The following OLFM4 variants were observed in gnomAD, a reference collection of about 807,000 sequenced individuals.
The protein encoded by OLFM4 is olfactomedin 4.
OLFM4 carries 22 observed loss-of-function variants against 25.5 expected under a neutral mutation model. That is an observed-to-expected ratio of 0.86 (90% confidence interval 0.62 to 1.23). OLFM4 has a LOEUF of 1.23. Among genes scored for constraint, OLFM4 ranks in the 50% most tolerant of loss-of-function variants. The pLI, the probability that OLFM4 is intolerant of heterozygous loss-of-function variation, is 0.00. For synonymous variants in OLFM4, 255 were observed against 237.7 expected (o/e 1.07, Z -0.67); for missense variants, 594 against 619.4 (o/e 0.96, Z 0.44).
At position 53,029,028 on chromosome 13, in the gene OLFM4, T is replaced by A. The variant is rs750727679; in HGVS notation, c.192T>A (p.Gly64=). 1 of 1,613,772 alleles carries A rather than the reference T, an allele frequency of 6.2e-7. No individual in the cohort carries two copies. Among genetic ancestry groups the A allele is most frequent in the East Asian group, 2.2e-5 (1 of 44,880 alleles). Residue 64 remains glycine (G), a synonymous_variant, in exon 1 of 5, where the codon GGT becomes GGA. Coordinates refer to ENST00000219022, the MANE Select transcript of OLFM4 (RefSeq NM_006418.5). ...SSSSRSLGSG[G]SVSQLFSNFT... ...CCAGCCGCAGCTTAGGCAGCGGAGG[T>A]TCTGTGTCCCAGGTGAGGAGGCCCC...
Position 53,050,773 on chromosome 13 carries a change from C to A in OLFM4, c.*2C>A. On this transcript the variant is annotated 3_prime_UTR_variant, in exon 5 of 5. Transcript: ENST00000219022. The stretch of plus-strand genomic sequence containing the variant: ...TCTGTCTTGCAGAAGCCCCAGTAAG[C>A]TGTTTAGGAGTTAGGGTGAAAGAGA... 4 of 1,582,466 alleles carry A rather than the reference C, an allele frequency of 2.5e-6. No homozygotes were observed. The highest frequency in any genetic ancestry group is 3.4e-6 in the Non-Finnish European group (4 of 1,168,264).
Position 53,043,171 on chromosome 13 carries a change from C to G in OLFM4, c.637C>G (p.Arg213Gly). ...TLDKNNVLAI[R>G]REIVALKTKL... ...AGACAAAAACAATGTCCTTGCCATT[C>G]GCCGAGAAATCGTGGCTCTGAAGAC... The change falls in exon 4 of 5, where the codon CGC becomes GGC. Residue 213 changes from arginine (R) to glycine (G), a missense_variant. Physicochemically the swap from Arg to Gly is moderately radical, Grantham distance 125. Coordinates refer to ENST00000219022, the MANE Select transcript of OLFM4 (RefSeq NM_006418.5). The G allele has an allele frequency of 6.2e-7, 1 of 1,613,400 alleles. No individual in the cohort carries two copies. The highest frequency in any genetic ancestry group is 8.5e-7 in the Non-Finnish European group (1 of 1,179,642).
At chr13:53,042,594 A>G (rs1443413826) in intron 3 of OLFM4, among the ~76,000 whole-genome samples, 3 of 152,142 alleles carry the variant, frequency 2.0e-5, no homozygotes, top group African/African-American at 7.2e-5. Flanking sequence ...TTTCTTGTAT[A>G]TTTCTGTAAA....
chr13:53,029,753 A>G (rs1039964039), intron 1 of OLFM4, among the ~76,000 whole-genome samples: 1 of 152,236 alleles, frequency 6.6e-6, no homozygotes, highest in Non-Finnish European at 1.5e-5. Context: ...CAACAGTAGC[A>G]ACAAACAAAC....
chr13:53,044,293 T>C (rs766865399), intron 4 of OLFM4, among the ~76,000 whole-genome samples: 3 of 152,332 alleles, frequency 2.0e-5, no homozygotes, highest in Middle Eastern at 3.4e-3. Context: ...TCAGCCACAG[T>C]GTTCAGCCCC....
At chr13:53,030,055 C>G (rs900799038) in intron 1 of OLFM4, among the ~76,000 whole-genome samples, 3 of 152,136 alleles carry the variant, frequency 2.0e-5, no homozygotes, top group African/African-American at 7.2e-5. Context: ...CCTCTAGGAT[C>G]TTTCCTCACA....
chr13:53,049,030 CTGAGT>C (rs1333046910), intron 4 of OLFM4, among the ~76,000 whole-genome samples: 2 of 152,180 alleles, frequency 1.3e-5, no homozygotes, highest in Non-Finnish European at 2.9e-5. Flanking sequence ...ATCGCCCAGA[CTGAGT>C]TATTTACCCA....
intron 4 of OLFM4, among the ~76,000 whole-genome samples, chr13:53,043,479 G>A (rs1464165407): frequency 1.3e-5 from 2 of 151,144 alleles, no homozygotes; most frequent in Non-Finnish European, 2.9e-5. Context: ...AAGAGGAAGA[G>A]CACAAACAAT....
intron 1 of OLFM4, among the ~76,000 whole-genome samples, chr13:53,029,995 A>G (rs967397066): frequency 6.6e-5 from 10 of 152,132 alleles, no homozygotes; most frequent in African/African-American, 1.9e-4. Context: ...TTGCTAAGGT[A>G]TAACTTGGGG....
chr13:53,046,709 T>C (rs528528897), intron 4 of OLFM4, among the ~76,000 whole-genome samples: 1 of 152,332 alleles, frequency 6.6e-6, no homozygotes, highest in South Asian at 2.1e-4. Context: ...TGTAACATGA[T>C]GTGATTATAT....
chr13:53,049,728 A>T (rs544349291), intron 4 of OLFM4, among the ~76,000 whole-genome samples: 1 of 152,252 alleles, frequency 6.6e-6, no homozygotes, highest in East Asian at 1.9e-4. Flanking sequence ...TATTTTCCAG[A>T]TTGAAAGCCC....
intron 1 of OLFM4, among the ~76,000 whole-genome samples, chr13:53,031,944 A>T (rs1954631412): frequency 6.6e-6 from 1 of 152,184 alleles, no homozygotes; most frequent in Non-Finnish European, 1.5e-5. Flanking sequence ...CCGCAGAGAG[A>T]GACTCATCAC....
At chr13:53,046,940 T>C (rs1423687379) in intron 4 of OLFM4, among the ~76,000 whole-genome samples, 2 of 152,204 alleles carry the variant, frequency 1.3e-5, no homozygotes, top group Non-Finnish European at 2.9e-5. Flanking sequence ...ATAGCTGCTC[T>C]AACAGAGAGG....
intron 4 of OLFM4, among the ~76,000 whole-genome samples, chr13:53,047,316 AC>A (rs1455543043): frequency 6.6e-6 from 1 of 151,938 alleles, no homozygotes; most frequent in African/African-American, 2.4e-5. Flanking sequence ...GGGGATGGGG[AC>A]TCTGAGGAAC....
intron 1 of OLFM4, among the ~76,000 whole-genome samples, chr13:53,032,188 A>C (rs963533288): frequency 6.6e-6 from 1 of 152,166 alleles, no homozygotes; most frequent in African/African-American, 2.4e-5. Flanking sequence ...TCAGGACTAA[A>C]AGTTGTTAGC....
At chr13:53,049,406 C>T (rs1436489481) in intron 4 of OLFM4, among the ~76,000 whole-genome samples, 3 of 152,032 alleles carry the variant, frequency 2.0e-5, no homozygotes, top group Admixed American at 6.5e-5. Flanking sequence ...TGGTACCTGG[C>T]GTGGATGTGC....
At chr13:53,034,641 A>T in intron 2 of OLFM4, 141 bp downstream of exon 2, 2 of 765,460 alleles carry the variant, frequency 2.6e-6, no homozygotes, top group Non-Finnish European at 4.1e-6. Flanking sequence ...TATTTATTTT[A>T]TAGGACACCA....
Position 53,051,914 on chromosome 13 carries a change from T to C in OLFM4, c.*1143T>C, listed in dbSNP as rs1954751070. 2 of 152,204 alleles carry C rather than the reference T, an allele frequency of 1.3e-5. No homozygotes were observed. Among genetic ancestry groups the C allele is most frequent in the Non-Finnish European group, 2.9e-5 (2 of 68,042 alleles). The allele number at this position is 152,204 out of a possible 1,614,324, so 9.4% of individuals were successfully genotyped here. On this transcript the variant is annotated 3_prime_UTR_variant, in exon 5 of 5. Transcript: ENST00000219022. ...TTGGAAACCTTGCTGGTGTATGTGA[T>C]GTGCTTCTGTGCTTTTGAATGACTT...
At chr13:53,037,133 G>A (rs1017056162) in intron 2 of OLFM4, among the ~76,000 whole-genome samples, 9 of 152,234 alleles carry the variant, frequency 5.9e-5, no homozygotes, top group African/African-American at 2.2e-4. Flanking sequence ...CAGGCCAGTA[G>A]AAAAGGTTTT....
Sources: allele counts gnomAD v4.1 joint callset (sites outside exome capture counted in the v4.1 genomes callset), GRCh38; gene constraint gnomAD v4.1.1; transcripts MANE v1.5; gene names NCBI Gene and HGNC (gene_info 2026-07-23, HGNC 2026-07-21).